Variants in PDXK observed in about 807,000 individuals in gnomAD.
PDXK encodes the protein pyridoxal kinase, also known as epididymis secretory sperm binding protein Li 1a.
In PDXK, 15 loss-of-function variants were observed where a neutral mutation model predicts 43.2. That is an observed-to-expected ratio of 0.35 (90% CI 0.23 to 0.53). PDXK has a LOEUF of 0.53. PDXK is among the 20% of genes least tolerant of loss of function. The pLI is 0.92. For missense variants in PDXK, 343 were observed against 417.0 expected, an observed-to-expected ratio of 0.82 and a Z score of 1.54; for synonymous variants, 172 against 165.4, an observed-to-expected ratio of 1.04 and a Z score of -0.31.
Position 43,735,743 on chromosome 21 carries a change from C to T in PDXK, c.142+1620C>T, listed in dbSNP as rs1055692704. Among the ~76,000 whole-genome samples the T allele has an allele frequency of 2.0e-5, 3 of 151,982 alleles. No individual in the cohort carries two copies. Among genetic ancestry groups the T allele is most frequent in the Non-Finnish European group, 2.9e-5 (2 of 67,960 alleles). On this transcript the variant is annotated intron_variant, in intron 2 of 10. Coordinates refer to ENST00000291565, the MANE Select transcript of PDXK (RefSeq NM_003681.5). This position sits in a 1 kb window ranked among gnomAD's most constrained non-coding sequence, Gnocchi z 5.3. Reference sequence around the variant, plus strand: ...TCCCAGCCCCCTGTACCCACACTCTCGGGGTCAGCTGTCTGTGCGGCCTGA... The same window carrying T: ...TCCCAGCCCCCTGTACCCACACTCTTGGGGTCAGCTGTCTGTGCGGCCTGA...
chr21:43,745,419 CAAAA>C (rs112185301), intron 4 of PDXK, among the ~76,000 whole-genome samples: 4 of 99,886 alleles, frequency 4.0e-5, no homozygotes, highest in Admixed American at 1.0e-4. Context: ...GACTCCATCT[CAAAA>C]AAAAAAAAAA....
chr21:43,751,339 A>G (rs555509132), intron 7 of PDXK, among the ~76,000 whole-genome samples: 1 of 152,320 alleles, frequency 6.6e-6, no homozygotes, highest in African/African-American at 2.4e-5. Flanking sequence ...ACTTGAGGTC[A>G]GGAGTTCGAG....
chr21:43,750,864 G>A (rs886263422), intron 7 of PDXK, among the ~76,000 whole-genome samples: 8 of 151,766 alleles, frequency 5.3e-5, no homozygotes, highest in Admixed American at 2.0e-4. Flanking sequence ...GTGCATGTGC[G>A]TCTGTGTGCA....
chr21:43,727,004 G>A (rs1451657585), intron 1 of PDXK, among the ~76,000 whole-genome samples: 3 of 152,324 alleles, frequency 2.0e-5, no homozygotes, highest in Middle Eastern at 3.4e-3. Context: ...GTGTGTATGC[G>A]GTGTGTTGCT....
rs929497999 is a variant in PDXK, at chr21:43,754,298, G to A, written c.759+579G>A. On this transcript the variant is annotated intron_variant, in intron 9 of 10. Transcript: ENST00000291565. The surrounding 1 kb of genome is among the most constrained non-coding windows in gnomAD (Gnocchi z 5.5). Reference sequence around the variant, plus strand: ...ATCGGGTGGCTTTGCTTAGACAGTGGGGGGAGTGGGACTGTTGGGCAACTG... The same window carrying A: ...ATCGGGTGGCTTTGCTTAGACAGTGAGGGGAGTGGGACTGTTGGGCAACTG... Among the ~76,000 whole-genome samples the A allele has an allele frequency of 3.3e-5, 5 of 152,156 alleles. No homozygotes were observed. The highest frequency in any genetic ancestry group is 7.4e-5 in the Non-Finnish European group (5 of 68,018).
chr21:43,728,814 G>A (rs949503518), intron 1 of PDXK: 6 of 985,456 alleles, frequency 6.1e-6, no homozygotes, highest in South Asian at 4.7e-5. Context: ...GAGCTCCTGC[G>A]GTCCAGCCGG....
intron 1 of PDXK, among the ~76,000 whole-genome samples, chr21:43,722,864 G>C (rs2083218099): frequency 6.6e-6 from 1 of 152,198 alleles, no homozygotes; most frequent in South Asian, 2.1e-4. Flanking sequence ...TTGAGACGGA[G>C]TCTTGCTGTG....
At chr21:43,729,632 G>C (rs907944941) in intron 1 of PDXK, among the ~76,000 whole-genome samples, 1 of 152,164 alleles carries the variant, frequency 6.6e-6, no homozygotes, top group African/African-American at 2.4e-5. Flanking sequence ...CACATGAGGG[G>C]AGCTAGGAGC....
Position 43,752,636 on chromosome 21 carries a change from G to GC in PDXK, c.622+12dup. The GC allele has an allele frequency of 6.4e-7, 1 of 1,558,054 alleles. No homozygotes were observed. The highest frequency in any genetic ancestry group is 8.8e-7 in the Non-Finnish European group (1 of 1,130,006). ...CTGGGGAGTCAGAGGAGGAGTAAGT[G>GC]CCCCCATCGTGCACCGTGGCCGCCT... On this transcript the variant is annotated splice_region_variant and intron_variant, in intron 8 of 10. Transcript: ENST00000291565.
intron 1 of PDXK, among the ~76,000 whole-genome samples, chr21:43,729,161 G>C (rs1721921605): frequency 6.6e-6 from 1 of 152,018 alleles, no homozygotes; most frequent in African/African-American, 2.4e-5. Flanking sequence ...TGTTTACGGA[G>C]TTACACCTTG....
Position 43,734,171 on chromosome 21 carries a change from A to C in PDXK, c.142+48A>C. On this transcript the variant is annotated intron_variant, in intron 2 of 10. Coordinates refer to ENST00000291565, the MANE Select transcript of PDXK (RefSeq NM_003681.5). The surrounding 1 kb of genome is among the most constrained non-coding windows in gnomAD (Gnocchi z 5.0). ...TGGCATAGAGCAGACTGTGGGTGTGAGGGACGGGGCGGAGTGTGGGTGTGA... is the reference window on the plus strand; with the variant it reads ...TGGCATAGAGCAGACTGTGGGTGTGCGGGACGGGGCGGAGTGTGGGTGTGA... The C allele has an allele frequency of 6.6e-7, 1 of 1,525,866 alleles. No homozygotes were observed. The highest frequency in any genetic ancestry group is 8.9e-7 in the Non-Finnish European group (1 of 1,118,696). 94.5% of individuals were successfully genotyped at this position (1,525,866 alleles called of 1,614,324 possible). A position where few individuals can be genotyped will look rare whatever the true frequency, so the allele number is the denominator to read the frequency against.
intron 5 of PDXK, among the ~76,000 whole-genome samples, chr21:43,747,358 T>C (rs2083656282): frequency 6.6e-6 from 1 of 152,270 alleles, no homozygotes; most frequent in Non-Finnish European, 1.5e-5. Flanking sequence ...ATCTGCCTTC[T>C]TTGTCGTTGT....
intron 1 of PDXK, among the ~76,000 whole-genome samples, chr21:43,731,032 A>G (rs1280543818): frequency 6.6e-6 from 1 of 152,054 alleles, no homozygotes; most frequent in Non-Finnish European, 1.5e-5. Flanking sequence ...GAATCTTGCT[A>G]TGTTGCTCAG....
chr21:43,720,131 T>C (rs1230681835), intron 1 of PDXK, among the ~76,000 whole-genome samples: 3 of 151,982 alleles, frequency 2.0e-5, no homozygotes, highest in Non-Finnish European at 2.9e-5. Context: ...AAGTGGCCCG[T>C]GGAGGGGTAG....
intron 1 of PDXK, among the ~76,000 whole-genome samples, chr21:43,730,041 A>G (rs77626381): frequency 0.025 from 3,816 of 152,288 alleles, 169 homozygotes; most frequent in African/African-American, 0.088. Flanking sequence ...ATGAGGTGAT[A>G]GTCCACAGGC....
At position 43,760,503 on chromosome 21, in the gene PDXK, C is replaced by A. The variant is rs2083917475; in HGVS notation, c.*4440C>A. ...AATCTTGGAATTTTTATAGACAGCA[C>A]CTCAGTTTCTGACTCCAGCCGCACA... On this transcript the variant is annotated 3_prime_UTR_variant, in exon 11 of 11. Transcript: ENST00000291565. 1 of 152,246 alleles carries A rather than the reference C, an allele frequency of 6.6e-6. No individual in the cohort carries two copies. Among genetic ancestry groups the A allele is most frequent in the Non-Finnish European group, 1.5e-5 (1 of 68,086 alleles). 9.4% of individuals were successfully genotyped at this position (152,246 alleles called of 1,614,324 possible). A position where few individuals can be genotyped will look rare whatever the true frequency, so the allele number is the denominator to read the frequency against.
intron 2 of PDXK, 151 bp from the exon 3 acceptor site, chr21:43,741,516 G>T (rs2083527902): frequency 6.8e-7 from 1 of 1,460,562 alleles, no homozygotes; most frequent in South Asian, 1.5e-5. Flanking sequence ...GCCAAGCACT[G>T]CGCCTAGTGA....
intron 1 of PDXK, among the ~76,000 whole-genome samples, chr21:43,727,966 C>G (rs1042733167): frequency 9.2e-5 from 14 of 152,238 alleles, no homozygotes; most frequent in African/African-American, 3.4e-4. Context: ...CTCTGCCTTC[C>G]CTTAGCACTT....
intron 2 of PDXK, chr21:43,738,094 C>T (rs2083435091): frequency 1.0e-6 from 1 of 965,688 alleles, no homozygotes; most frequent in Non-Finnish European, 1.2e-6. Context: ...CCCAAATTCT[C>T]ATGTTGCAGC....
Sources: allele counts gnomAD v4.1 joint callset (sites outside exome capture counted in the v4.1 genomes callset), GRCh38; gene constraint gnomAD v4.1.1; non-coding constraint Gnocchi (gnomAD v3.1); transcripts MANE v1.5; gene names NCBI Gene and HGNC (gene_info 2026-07-23, HGNC 2026-07-21).